Variants in SNTG1 observed in about 807,000 individuals in gnomAD.
The protein encoded by SNTG1 is gamma-1-syntrophin.
A neutral mutation model predicts 74.7 loss-of-function variants in SNTG1; 39 were observed. That is an observed-to-expected ratio of 0.52 (90% CI 0.40 to 0.68). SNTG1 has a LOEUF of 0.68. Among genes scored for constraint, SNTG1 ranks in the 30% least tolerant of loss-of-function variants. The pLI is 0.00. For missense variants in SNTG1, 685 were observed against 609.5 expected, an observed-to-expected ratio of 1.12 and a Z score of -1.30; for synonymous variants, 254 against 217.1, an observed-to-expected ratio of 1.17 and a Z score of -1.49.
At chr8:50,662,150 A>T (rs2095227321) in intron 15 of SNTG1, among the ~76,000 whole-genome samples, 1 of 152,180 alleles carries the variant, frequency 6.6e-6, no homozygotes, top group African/African-American at 2.4e-5. Flanking sequence ...TCTACAGCCC[A>T]GCCCTCTCCT....
chr8:50,073,288 C>T (rs976433050), intron 1 of SNTG1, among the ~76,000 whole-genome samples: 2 of 152,118 alleles, frequency 1.3e-5, no homozygotes, highest in African/African-American at 4.8e-5. Flanking sequence ...CTTGAGAAAC[C>T]ACACTTTTTT....
At chr8:50,088,303 G>C (rs1823108639) in intron 1 of SNTG1, among the ~76,000 whole-genome samples, 1 of 146,444 alleles carries the variant, frequency 6.8e-6, no homozygotes. Flanking sequence ...ATATCATACT[G>C]AATGGGCAAA....
At chr8:50,600,550 C>CT (rs1055098126) in intron 13 of SNTG1, among the ~76,000 whole-genome samples, 2 of 151,948 alleles carry the variant, frequency 1.3e-5, no homozygotes, top group Non-Finnish European at 2.9e-5. Context: ...TACCTATTTC[C>CT]TTTGGATTTT....
chr8:50,790,164 A>C (rs558220363), intron 18 of SNTG1, among the ~76,000 whole-genome samples: 2 of 152,024 alleles, frequency 1.3e-5, no homozygotes, highest in South Asian at 4.1e-4. Context: ...ATATTCTGAC[A>C]TATTGTCCTT....
At chr8:50,056,780 A>G (rs558967127) in intron 1 of SNTG1, among the ~76,000 whole-genome samples, 1 of 152,338 alleles carries the variant, frequency 6.6e-6, no homozygotes, top group South Asian at 2.1e-4. Context: ...GTCAAGCAAG[A>G]TAGATGAGTG....
chr8:50,397,163 A>G (rs908030954), intron 3 of SNTG1, among the ~76,000 whole-genome samples: 16 of 152,324 alleles, frequency 1.1e-4, no homozygotes, highest in African/African-American at 3.8e-4. Context: ...TGTTTGGTGT[A>G]TATTTTATAA....
intron 13 of SNTG1, among the ~76,000 whole-genome samples, chr8:50,613,397 G>A (rs2130998915): frequency 6.6e-6 from 1 of 152,078 alleles, no homozygotes; most frequent in Middle Eastern, 3.4e-3. Context: ...GCCCTTAGAG[G>A]GCAATGATAA....
intron 13 of SNTG1, among the ~76,000 whole-genome samples, chr8:50,598,879 G>T (rs1277311219): frequency 6.6e-6 from 1 of 151,736 alleles, no homozygotes; most frequent in African/African-American, 2.4e-5. Context: ...GGTTGCTATT[G>T]GTGTAGGGAA....
At chr8:50,713,827 G>C (rs2095468475) in intron 17 of SNTG1, among the ~76,000 whole-genome samples, 1 of 152,038 alleles carries the variant, frequency 6.6e-6, no homozygotes, top group African/African-American at 2.4e-5. Flanking sequence ...TGGAAGGCCA[G>C]GGCGGGCGGA....
chr8:50,302,465 G>A (rs558805059), intron 2 of SNTG1, among the ~76,000 whole-genome samples: 81 of 152,174 alleles, frequency 5.3e-4, no homozygotes, highest in African/African-American at 1.9e-3. Flanking sequence ...ACCTTCTGTA[G>A]TGAGTCTGCC....
At chr8:50,674,197 G>C (rs1004256527) in intron 15 of SNTG1, among the ~76,000 whole-genome samples, 1 of 152,100 alleles carries the variant, frequency 6.6e-6, no homozygotes, top group Admixed American at 6.6e-5. Flanking sequence ...CATAAAATGA[G>C]TTAAGGAGGA....
intron 2 of SNTG1, among the ~76,000 whole-genome samples, chr8:50,316,795 T>C (rs556694693): frequency 6.6e-6 from 1 of 152,252 alleles, no homozygotes; most frequent in Non-Finnish European, 1.5e-5. Flanking sequence ...AATCAACAAA[T>C]ACATATTGAA....
In SNTG1 at chr8:50,060,586, C is replaced by A. The variant is rs186206164; in HGVS notation, c.-102-111975C>A. On this transcript the variant is annotated intron_variant, in intron 1 of 18. Transcript: ENST00000642720. ...TCTTATCCAGAGGCTTAACTTGGAA[C>A]TTCTTGCACTATGTTGAATCAAAGC... Among the ~76,000 whole-genome samples, 17 of 152,038 alleles carry A rather than the reference C, an allele frequency of 1.1e-4. No homozygotes were observed. In the East Asian group the frequency reaches 3.1e-3, roughly 28 times the overall value.
At chr8:50,062,206 G>A (rs2130943398) in intron 1 of SNTG1, among the ~76,000 whole-genome samples, 2 of 152,106 alleles carry the variant, frequency 1.3e-5, no homozygotes, top group East Asian at 3.9e-4. Flanking sequence ...ACCACTCCTG[G>A]CTAATTTTTG....
chr8:50,018,913 T>C (rs1816581729), intron 1 of SNTG1, among the ~76,000 whole-genome samples: 1 of 152,014 alleles, frequency 6.6e-6, no homozygotes, highest in Non-Finnish European at 1.5e-5. Context: ...GAAAACAATT[T>C]GGCAGTTCCT....
chr8:50,716,826 G>A (rs1331571665), intron 17 of SNTG1, among the ~76,000 whole-genome samples: 4 of 151,330 alleles, frequency 2.6e-5, no homozygotes, highest in Non-Finnish European at 4.4e-5. Flanking sequence ...TCCACCTCCC[G>A]GGTTCACGCC....
intron 5 of SNTG1, among the ~76,000 whole-genome samples, chr8:50,442,021 T>A (rs1262752976): frequency 6.6e-6 from 1 of 152,196 alleles, no homozygotes; most frequent in Non-Finnish European, 1.5e-5. Context: ...AAATGACGTA[T>A]GAGCACAATG....
intron 1 of SNTG1, among the ~76,000 whole-genome samples, chr8:50,117,442 T>G (rs1234373687): frequency 6.6e-6 from 1 of 152,142 alleles, no homozygotes; most frequent in Non-Finnish European, 1.5e-5. Context: ...GACATCAGTA[T>G]ACAATATGTT....
At chr8:49,939,948 A>T (rs527996859) in intron 1 of SNTG1, among the ~76,000 whole-genome samples, 1 of 152,314 alleles carries the variant, frequency 6.6e-6, no homozygotes, top group South Asian at 2.1e-4. Context: ...AGTAAAATAT[A>T]AGCAAAACTG....
Sources: gnomAD v4.1 joint callset for allele counts (sites outside exome capture counted in the v4.1 genomes callset) on GRCh38, gnomAD v4.1.1 for gene constraint, MANE v1.5 for transcripts, NCBI Gene and HGNC (gene_info 2026-07-23, HGNC 2026-07-21) for gene names.